The following CDH13 variants were observed in gnomAD, a reference collection of about 807,000 sequenced individuals.
CDH13 encodes cadherin-13.
Under a neutral mutation model 63.8 loss-of-function variants are expected in CDH13, and 24 were observed. That is an observed-to-expected ratio of 0.38 (90% CI 0.27 to 0.53). The LOEUF (loss-of-function observed/expected upper bound fraction) is 0.53. CDH13 is among the 20% of genes least tolerant of loss of function. The pLI is 0.85. For synonymous variants in CDH13, 503 were observed against 355.3 expected (o/e 1.42, Z -4.67); for missense variants, 1,049 against 903.1 (o/e 1.16, Z -2.07).
intron 1 of CDH13, among the ~76,000 whole-genome samples, chr16:82,688,563 T>C (rs576449113): frequency 6.6e-6 from 1 of 152,336 alleles, no homozygotes; most frequent in East Asian, 1.9e-4. Flanking sequence ...AAACATCAAC[T>C]ATGACAACAT....
rs78826920 is a variant in CDH13 at position 83,360,537 on chromosome 16, C to T, written c.781+15531C>T. On this transcript the variant is annotated intron_variant, in intron 6 of 13. Transcript: ENST00000567109. Reference sequence around the variant, plus strand: ...GTATGGATATATTGTGTGATGCTGACGCTTTGAGTATGATTGAATCTGTCA... The same window carrying T: ...GTATGGATATATTGTGTGATGCTGATGCTTTGAGTATGATTGAATCTGTCA... Among the ~76,000 whole-genome samples, 1,434 of 151,890 alleles carry T rather than the reference C, an allele frequency of 9.4e-3. 23 individuals are homozygous for T. Among genetic ancestry groups the T allele is most frequent in the African/African-American group, 0.033 (1,380 of 41,412 alleles).
chr16:82,850,750 C>T (rs954639400), intron 1 of CDH13, among the ~76,000 whole-genome samples: 2 of 152,164 alleles, frequency 1.3e-5, no homozygotes, highest in African/African-American at 4.8e-5. Flanking sequence ...ACAACCGCCA[C>T]CCTCATCACT....
intron 7 of CDH13, among the ~76,000 whole-genome samples, chr16:83,538,623 T>C (rs568694597): frequency 6.6e-6 from 1 of 152,272 alleles, no homozygotes; most frequent in Non-Finnish European, 1.5e-5. Flanking sequence ...AGGAAAAGGG[T>C]AGATTGGCAT....
chr16:83,146,390 A>C (rs967510540), intron 4 of CDH13, among the ~76,000 whole-genome samples: 13 of 152,224 alleles, frequency 8.5e-5, no homozygotes, highest in Non-Finnish European at 1.5e-5. Context: ...GAAACCTAAA[A>C]GTAGGCAAAA....
intron 2 of CDH13, among the ~76,000 whole-genome samples, chr16:82,972,118 T>C (rs1908846045): frequency 6.6e-6 from 1 of 152,118 alleles, no homozygotes; most frequent in African/African-American, 2.4e-5. Context: ...TGAGGCTAAA[T>C]CCCAAAATTG....
intron 1 of CDH13, among the ~76,000 whole-genome samples, chr16:82,645,931 T>G (rs1910040257): frequency 6.6e-6 from 1 of 152,226 alleles, no homozygotes; most frequent in African/African-American, 2.4e-5. Context: ...TAAAAAGTGG[T>G]TAATGTTCAT....
chr16:82,663,788 G>A (rs1189846445), intron 1 of CDH13, among the ~76,000 whole-genome samples: 3 of 152,192 alleles, frequency 2.0e-5, no homozygotes, highest in Non-Finnish European at 4.4e-5. Context: ...GGGGTTGGGG[G>A]TGATCTCTGG....
chr16:83,283,457 G>A (rs1361785326), intron 5 of CDH13, among the ~76,000 whole-genome samples: 1 of 152,092 alleles, frequency 6.6e-6, no homozygotes, highest in Non-Finnish European at 1.5e-5. Flanking sequence ...TGGGCGTGGT[G>A]GTGCACACCT....
chr16:82,840,311 C>G (rs1475993264), intron 1 of CDH13, among the ~76,000 whole-genome samples: 2 of 150,778 alleles, frequency 1.3e-5, no homozygotes, highest in Admixed American at 1.3e-4. Flanking sequence ...ATGAAGCCAC[C>G]TTTATTGCCC....
chr16:83,297,450 G>C (rs1242468684), intron 5 of CDH13, among the ~76,000 whole-genome samples: 1 of 152,156 alleles, frequency 6.6e-6, no homozygotes, highest in Non-Finnish European at 1.5e-5. Context: ...AATAAGGGCA[G>C]AAAGACTGAG....
chr16:83,782,429 G>A (rs952071151), intron 12 of CDH13, among the ~76,000 whole-genome samples: 5 of 145,456 alleles, frequency 3.4e-5, no homozygotes, highest in Non-Finnish European at 6.2e-5. Flanking sequence ...GTGGACAGAG[G>A]ATTGATCAAA....
At chr16:82,986,160 C>T (rs1214614837) in intron 2 of CDH13, among the ~76,000 whole-genome samples, 2 of 152,172 alleles carry the variant, frequency 1.3e-5, no homozygotes, top group African/African-American at 4.8e-5. Context: ...ATTGTAAACA[C>T]AGTCTGTGCC....
chr16:83,140,742 G>A lies in CDH13; in HGVS notation c.483+15241G>A, dbSNP rs575782635. ...AGTGCTGGGATTACAGGTGCGAGCC[G>A]CTGCACCCGGCCGATCTGATGTATC... is the stretch of plus-strand genomic sequence containing the variant. On this transcript the variant is annotated intron_variant, in intron 4 of 13. Transcript: ENST00000567109. Among the ~76,000 whole-genome samples, 46 of 152,220 alleles carry A rather than the reference G, an allele frequency of 3.0e-4. No individual in the cohort carries two copies. In the South Asian group the frequency reaches 6.6e-3, roughly 22 times the overall value.
At chr16:83,098,783 A>T (rs796553224) in intron 3 of CDH13, among the ~76,000 whole-genome samples, 4 of 152,280 alleles carry the variant, frequency 2.6e-5, no homozygotes, top group African/African-American at 9.6e-5. Flanking sequence ...GCTCTCAAGA[A>T]TTTATTTTTA....
chr16:83,456,619 C>T (rs994790522), intron 6 of CDH13, among the ~76,000 whole-genome samples: 10 of 152,104 alleles, frequency 6.6e-5, no homozygotes, highest in African/African-American at 2.4e-4. Flanking sequence ...GCTGAGAAGT[C>T]CGGGGCAGGC....
chr16:83,107,728 A>G (rs1002865797), intron 3 of CDH13, among the ~76,000 whole-genome samples: 9 of 144,802 alleles, frequency 6.2e-5, no homozygotes, highest in Non-Finnish European at 1.2e-4. Flanking sequence ...GTGGAATTTT[A>G]GGTGGGTTTT....
chr16:83,140,616 G>A (rs974696275), intron 4 of CDH13, among the ~76,000 whole-genome samples: 2 of 152,074 alleles, frequency 1.3e-5, no homozygotes, highest in Non-Finnish European at 2.9e-5. Flanking sequence ...ACCATGCCCT[G>A]GCTAATTTTT....
intron 4 of CDH13, among the ~76,000 whole-genome samples, chr16:83,205,275 G>A (rs1478890002): frequency 6.6e-6 from 1 of 152,184 alleles, no homozygotes; most frequent in Non-Finnish European, 1.5e-5. Context: ...TTCAGAAAGA[G>A]ACACTTACAA....
chr16:83,734,944 A>G (rs1293887194), intron 10 of CDH13, among the ~76,000 whole-genome samples: 1 of 151,378 alleles, frequency 6.6e-6, no homozygotes, highest in Non-Finnish European at 1.5e-5. Context: ...CTCAGATAAG[A>G]CAATTGTAAC....
Sources: allele counts gnomAD v4.1 joint callset (sites outside exome capture counted in the v4.1 genomes callset), GRCh38; gene constraint gnomAD v4.1.1; transcripts MANE v1.5; gene names NCBI Gene and HGNC (gene_info 2026-07-23, HGNC 2026-07-21).